The following PTPRC variants were observed in gnomAD, a reference collection of about 807,000 sequenced individuals.
PTPRC encodes receptor-type tyrosine-protein phosphatase C.
Under a neutral mutation model 155.9 loss-of-function variants are expected in PTPRC, and 44 were observed. The observed-to-expected ratio is 0.28, with a 90% CI of 0.22 to 0.36. The LOEUF is 0.36. Among genes scored for constraint, PTPRC ranks in the 10% least tolerant of loss-of-function variants. The pLI is 1.00. For synonymous variants in PTPRC, 525 were observed against 533.1 expected (o/e 0.98, Z 0.21); for missense variants, 1,401 against 1,564.6 (o/e 0.90, Z 1.76).
intron 25 of PTPRC, among the ~76,000 whole-genome samples, chr1:198,743,613 CTTATT>C (rs955430030): frequency 7.9e-5 from 12 of 151,798 alleles, no homozygotes; most frequent in Middle Eastern, 3.4e-3. Flanking sequence ...GAATACTTTT[CTTATT>C]TTAAGTTCTA....
intron 2 of PTPRC, among the ~76,000 whole-genome samples, chr1:198,646,560 A>T (rs1662947750): frequency 6.6e-6 from 1 of 151,842 alleles, no homozygotes; most frequent in Non-Finnish European, 1.5e-5. Flanking sequence ...GGGCAATATT[A>T]ACCATTCTCA....
At position 198,741,979 on chromosome 1, in the gene PTPRC, G is replaced by A. The variant is rs749654074; in HGVS notation, c.2514G>A (p.Val838=). 3.1e-6 allele frequency: 5 copies of A among 1,611,574 alleles called. No individual in the cohort carries two copies. Among genetic ancestry groups the A allele is most frequent in the South Asian group, 1.1e-5 (1 of 90,996 alleles). The change falls in exon 24 of 33, where the codon GTG becomes GTA. Residue 838 remains valine, a synonymous_variant. Transcript: ENST00000442510. Reference sequence around the variant, plus strand: ...TGCTCCTCAAACTGAGAAGGAGAGTGAATGCCTTCAGCAATTTCTTCAGTG... The same window carrying A: ...TGCTCCTCAAACTGAGAAGGAGAGTAAATGCCTTCAGCAATTTCTTCAGTG... ...PHLLLKLRRR[V]NAFSNFFSGP...
rs1653320994 is a variant in PTPRC at position 198,711,728 on chromosome 1, G to A, written c.1172-1225G>A. Among the ~76,000 whole-genome samples the A allele has an allele frequency of 2.6e-5, 4 of 152,246 alleles. No individual in the cohort carries two copies. In the South Asian group the frequency reaches 8.3e-4, roughly 32 times the overall value. The stretch of plus-strand genomic sequence containing the variant: ...ATCAAAATTAATTTTTTCAACAACA[G>A]AAGTTTTTCCAGAATATACAGAGAG... On this transcript the variant is annotated intron_variant, in intron 11 of 32. Coordinates refer to ENST00000442510, the MANE Select transcript of PTPRC (RefSeq NM_002838.5).
chr1:198,733,040 T>A (rs972684500), intron 20 of PTPRC, among the ~76,000 whole-genome samples: 1 of 151,844 alleles, frequency 6.6e-6, no homozygotes, highest in Admixed American at 6.6e-5. Flanking sequence ...ACATTCCTCA[T>A]CAACATGATC....
rs192668785 is a variant in PTPRC, at chr1:198,744,826, A to T, written c.2847+623A>T. ...TACTGAGTCATTCCATAATCTACCA[A>T]ACTGGTAAATTCAGAGTTTCTAAAG... On this transcript the variant is annotated intron_variant, in intron 26 of 32. Transcript: ENST00000442510. Among the ~76,000 whole-genome samples, 3 of 151,908 alleles carry T rather than the reference A, an allele frequency of 2.0e-5. No homozygotes were observed. In the East Asian group the frequency reaches 5.9e-4, roughly 30 times the overall value.
Position 198,756,370 on chromosome 1 carries a change from G to C in PTPRC, c.*189G>C, listed in dbSNP as rs894590894. The C allele has an allele frequency of 1.3e-6, 1 of 742,696 alleles. No homozygotes were observed. Among genetic ancestry groups the C allele is most frequent in the South Asian group, 1.9e-5 (1 of 52,444 alleles). 46.0% of individuals were successfully genotyped at this position (742,696 alleles called of 1,614,324 possible). A position where few individuals can be genotyped will look rare whatever the true frequency, so the allele number is the denominator to read the frequency against. On this transcript the variant is annotated 3_prime_UTR_variant, in exon 33 of 33. Transcript: ENST00000442510. Reference sequence around the variant, plus strand: ...TTTTGCCAGAACAGTTTGTACAGACGTATGCTTATTTTAAAATTTTATCTC... The same window carrying C: ...TTTTGCCAGAACAGTTTGTACAGACCTATGCTTATTTTAAAATTTTATCTC...
chr1:198,744,946 A>T (rs1480904437), intron 26 of PTPRC, among the ~76,000 whole-genome samples: 1 of 151,736 alleles, frequency 6.6e-6, no homozygotes, highest in Non-Finnish European at 1.5e-5. Flanking sequence ...TGCAATAATG[A>T]CCAAGTGACT....
chr1:198,676,988 G>T (rs1557988798), intron 2 of PTPRC, among the ~76,000 whole-genome samples: 2 of 152,122 alleles, frequency 1.3e-5, no homozygotes, highest in Non-Finnish European at 2.9e-5. Context: ...GAGAATGGAT[G>T]GCTCAGTCCT....
chr1:198,752,494 A>ATTAT, intron 30 of PTPRC, 100 bp from the exon 31 acceptor site: 1 of 1,515,576 alleles, frequency 6.6e-7, no homozygotes, highest in East Asian at 2.4e-5. Flanking sequence ...ACATTTTAAA[A>ATTAT]TTATTTAAAT....
chr1:198,647,666 A>C (rs1013422742), intron 2 of PTPRC, among the ~76,000 whole-genome samples: 1 of 151,962 alleles, frequency 6.6e-6, no homozygotes, highest in African/African-American at 2.4e-5. Context: ...TGAAAAATAT[A>C]GAAATGAATA....
At chr1:198,703,417 T>TG in intron 7 of PTPRC, 45 bp downstream of exon 7, 1 of 1,608,294 alleles carries the variant, frequency 6.2e-7, no homozygotes. Flanking sequence ...CCCATGTGCC[T>TG]GGTGATGTGC....
rs1334618845 is a variant in PTPRC at position 198,757,453 on chromosome 1, G to GTAAT, written c.*1273_*1276dup. ...CAAGAATAGTGGTATTTTTCATGAA[G>GTAAT]TAATAAAAACTCGTTTTGGTGAATT... On this transcript the variant is annotated 3_prime_UTR_variant, in exon 33 of 33. Coordinates refer to ENST00000442510, the MANE Select transcript of PTPRC (RefSeq NM_002838.5). The GTAAT allele has an allele frequency of 6.6e-6, 1 of 151,528 alleles. No individual in the cohort carries two copies. Among genetic ancestry groups the GTAAT allele is most frequent in the Non-Finnish European group, 1.5e-5 (1 of 67,758 alleles). 9.4% of individuals were successfully genotyped at this position (151,528 alleles called of 1,614,324 possible). A position where few individuals can be genotyped will look rare whatever the true frequency, so the allele number is the denominator to read the frequency against.
rs1379188436 is a variant in PTPRC at position 198,652,874 on chromosome 1, C to T, written c.73+13533C>T. On this transcript the variant is annotated intron_variant, in intron 2 of 32. Transcript: ENST00000442510. ...AGATGGTGTTATGTCAAGGGCGGCT[C>T]GATGGTGTGGATGAAAGAACTATTG... Among the ~76,000 whole-genome samples, 14 of 151,634 alleles carry T rather than the reference C, an allele frequency of 9.2e-5. 1 individual carries two copies. In the South Asian group the frequency reaches 1.9e-3, roughly 20 times the overall value.
intron 2 of PTPRC, among the ~76,000 whole-genome samples, chr1:198,658,262 A>C (rs1007946798): frequency 2.0e-5 from 3 of 152,186 alleles, no homozygotes; most frequent in Non-Finnish European, 4.4e-5. Context: ...GAGGCTCTAT[A>C]ATTCTATGAG....
upstream of PTPRC, chr1:198,638,802 ATTATTTT>A (rs2102158316): frequency 6.4e-6 from 1 of 156,260 alleles, no homozygotes; most frequent in East Asian, 1.9e-4. Flanking sequence ...AAAATTATTG[ATTATTTT>A]GTGGGGATTT....
intron 2 of PTPRC, among the ~76,000 whole-genome samples, chr1:198,684,819 C>G (rs894630041): frequency 6.6e-6 from 1 of 151,940 alleles, no homozygotes; most frequent in Non-Finnish European, 1.5e-5. Context: ...CTCTCTTTTG[C>G]TCCTTGCATT....
chr1:198,708,801 A>G (rs1483562319), intron 10 of PTPRC, among the ~76,000 whole-genome samples: 1 of 152,168 alleles, frequency 6.6e-6, no homozygotes, highest in Non-Finnish European at 1.5e-5. Context: ...CTAATAATTG[A>G]GATAGTATTT....
chr1:198,745,877 A>AT (rs1479528893), intron 26 of PTPRC, among the ~76,000 whole-genome samples: 1 of 151,860 alleles, frequency 6.6e-6, no homozygotes, highest in Non-Finnish European at 1.5e-5. Flanking sequence ...GGAGACTTTG[A>AT]TAGAATTACA....
At chr1:198,696,183 T>TATATAG (rs1553237296) in intron 3 of PTPRC, among the ~76,000 whole-genome samples, 1 of 149,634 alleles carries the variant, frequency 6.7e-6, no homozygotes, top group Non-Finnish European at 1.5e-5. Context: ...TATATATATA[T>TATATAG]ATAGATAGAT....
Sources: allele counts gnomAD v4.1 joint callset (sites outside exome capture counted in the v4.1 genomes callset), GRCh38; gene constraint gnomAD v4.1.1; transcripts MANE v1.5; gene names NCBI Gene and HGNC (gene_info 2026-07-23, HGNC 2026-07-21).